Variants in ARHGAP15 observed in about 807,000 individuals in gnomAD.
ARHGAP15 encodes the protein rho GTPase-activating protein 15.
A neutral mutation model predicts 63.7 loss-of-function variants in ARHGAP15; 51 were observed. The observed-to-expected ratio is 0.80, with a 90% CI of 0.64 to 1.01. The LOEUF (loss-of-function observed/expected upper bound fraction) is 1.01. Among genes scored for constraint, ARHGAP15 ranks in the 50% least tolerant of loss-of-function variants. ARHGAP15 has a pLI of 0.00. For synonymous variants in ARHGAP15, 191 were observed against 193.8 expected (o/e 0.99, Z 0.12); for missense variants, 560 against 564.6 (o/e 0.99, Z 0.08).
chr2:143,279,060 T>C (rs921194601), intron 6 of ARHGAP15, among the ~76,000 whole-genome samples: 3 of 152,188 alleles, frequency 2.0e-5, no homozygotes, highest in Non-Finnish European at 4.4e-5. Context: ...ATTCAGCTAA[T>C]AATACCTGCC....
intron 13 of ARHGAP15, among the ~76,000 whole-genome samples, chr2:143,710,368 G>A (rs1042735110): frequency 1.3e-5 from 2 of 152,088 alleles, no homozygotes; most frequent in African/African-American, 4.8e-5. Context: ...CTCTGATCGC[G>A]AGGGTGAAGC....
intron 1 of ARHGAP15, among the ~76,000 whole-genome samples, chr2:143,147,455 C>T (rs1296200389): frequency 6.6e-6 from 1 of 152,008 alleles, no homozygotes; most frequent in Admixed American, 6.6e-5. Flanking sequence ...CCTTATGGCT[C>T]TCATCTGTAT....
chr2:143,511,636 G>A (rs1370478369), intron 9 of ARHGAP15, among the ~76,000 whole-genome samples: 1 of 152,036 alleles, frequency 6.6e-6, no homozygotes. Context: ...GTTGTTCCAG[G>A]ACAAGAGACA....
intron 6 of ARHGAP15, among the ~76,000 whole-genome samples, chr2:143,345,922 T>C (rs189650351): frequency 2.0e-5 from 3 of 152,192 alleles, no homozygotes; most frequent in East Asian, 1.9e-4. Flanking sequence ...CTGTTCATTA[T>C]ATGAGAAATC....
rs1455848132 is a variant in ARHGAP15, at chr2:143,228,608, T to C, written c.324T>C (p.Val108=). 15 of 1,610,256 alleles carry C rather than the reference T, an allele frequency of 9.3e-6. No homozygotes were observed. Among genetic ancestry groups the C allele is most frequent in the Non-Finnish European group, 1.3e-5 (15 of 1,178,302 alleles). The change falls in exon 5 of 14, where the codon GTT becomes GTC. Residue 108 remains valine, a synonymous_variant. Transcript: ENST00000295095. ...AAAACTGGTCTACTTCCTGGATTGTTCTTTCTAGTCGAAGAATTGAATTTT... is the reference window on the plus strand; with the variant it reads ...AAAACTGGTCTACTTCCTGGATTGTCCTTTCTAGTCGAAGAATTGAATTTT... ...LRKNWSTSWI[V]LSSRRIEFYK...
In ARHGAP15 at chr2:143,754,145, C is replaced by A. The variant is rs375617989; in HGVS notation, c.1245-13844C>A. Among the ~76,000 whole-genome samples, 27 of 152,226 alleles carry A rather than the reference C, an allele frequency of 1.8e-4. No homozygotes were observed. In the East Asian group the frequency reaches 4.4e-3, roughly 25 times the overall value. ...ATTTTTTCTGGTGATGTTGTTAGTT[C>A]TGGAGGGCTATGTAAAGCCGAAGCA... On this transcript the variant is annotated intron_variant, in intron 13 of 13. Coordinates refer to ENST00000295095, the MANE Select transcript of ARHGAP15 (RefSeq NM_018460.4).
At chr2:143,306,901 T>C (rs1240321203) in intron 6 of ARHGAP15, among the ~76,000 whole-genome samples, 2 of 152,140 alleles carry the variant, frequency 1.3e-5, no homozygotes, top group African/African-American at 2.4e-5. Flanking sequence ...TTTTACAGTG[T>C]CCATGGGTCA....
Position 143,314,493 on chromosome 2 carries a change from T to G in ARHGAP15, c.474+63893T>G, listed in dbSNP as rs559584707. ...GCAGAAGCACATTATCCCACAGGATTTGCTCAGGGCTCAAAGTTTGTAAGA... is the reference window on the plus strand; with the variant it reads ...GCAGAAGCACATTATCCCACAGGATGTGCTCAGGGCTCAAAGTTTGTAAGA... On this transcript the variant is annotated intron_variant, in intron 6 of 13. Coordinates refer to ENST00000295095, the MANE Select transcript of ARHGAP15 (RefSeq NM_018460.4). The G allele has an allele frequency of 2.0e-5, 3 of 152,314 alleles. No homozygotes were observed. The East Asian group carries it at 5.8e-4, about 29-fold the overall frequency. The allele number at this position is 152,314 out of a possible 1,614,324, so 9.4% of individuals were successfully genotyped here.
chr2:143,543,858 A>T (rs560029011), intron 10 of ARHGAP15, among the ~76,000 whole-genome samples: 2 of 152,260 alleles, frequency 1.3e-5, no homozygotes, highest in Admixed American at 6.5e-5. Context: ...CAGAGGGTGC[A>T]TACTTCTTTG....
chr2:143,581,619 G>T (rs541753502), intron 11 of ARHGAP15, among the ~76,000 whole-genome samples: 1 of 152,252 alleles, frequency 6.6e-6, no homozygotes, highest in Admixed American at 6.5e-5. Flanking sequence ...CAAGTAGGGA[G>T]GGCTTGTTAC....
At chr2:143,448,322 G>A (rs764621746) in intron 8 of ARHGAP15, among the ~76,000 whole-genome samples, 9 of 152,126 alleles carry the variant, frequency 5.9e-5, no homozygotes, top group Non-Finnish European at 1.3e-4. Flanking sequence ...GGAGCCTAGT[G>A]AAAGACTTCA....
intron 3 of ARHGAP15, among the ~76,000 whole-genome samples, chr2:143,210,036 A>C (rs1316433389): frequency 1.3e-5 from 2 of 152,176 alleles, no homozygotes; most frequent in Non-Finnish European, 2.9e-5. Flanking sequence ...GACTGAAATT[A>C]AGTTATAACG....
At chr2:143,433,766 GTTTA>G (rs200585192) in intron 6 of ARHGAP15, among the ~76,000 whole-genome samples, 3,793 of 151,984 alleles carry the variant, frequency 0.025, 168 homozygotes, top group African/African-American at 0.087. Flanking sequence ...TTTAATAATG[GTTTA>G]TTTATACTGG....
chr2:143,401,375 C>T (rs1344230579), intron 6 of ARHGAP15, among the ~76,000 whole-genome samples: 2 of 151,968 alleles, frequency 1.3e-5, no homozygotes, highest in Non-Finnish European at 2.9e-5. Context: ...AAGATGTCCC[C>T]ATAAAATCTT....
intron 11 of ARHGAP15, among the ~76,000 whole-genome samples, chr2:143,619,657 T>TG (rs1183021650): frequency 6.6e-6 from 1 of 152,148 alleles, no homozygotes; most frequent in Admixed American, 6.5e-5. Context: ...TCCCCAATGT[T>TG]GGGGGAGGGA....
At chr2:143,147,992 AT>A (rs1422767912) in intron 1 of ARHGAP15, among the ~76,000 whole-genome samples, 1 of 152,176 alleles carries the variant, frequency 6.6e-6, no homozygotes, top group East Asian at 1.9e-4. Context: ...CTTAAACAAA[AT>A]CATCAATTTC....
intron 6 of ARHGAP15, among the ~76,000 whole-genome samples, chr2:143,317,014 G>A (rs1683751490): frequency 6.6e-6 from 1 of 152,008 alleles, no homozygotes; most frequent in Non-Finnish European, 1.5e-5. Flanking sequence ...CCTGATTATT[G>A]CATTTAAACT....
intron 6 of ARHGAP15, among the ~76,000 whole-genome samples, chr2:143,330,940 T>G (rs906950075): frequency 6.6e-6 from 1 of 152,246 alleles, no homozygotes; most frequent in Non-Finnish European, 1.5e-5. Context: ...TGTCGCTTTC[T>G]CTCTAAAGAT....
Position 143,723,280 on chromosome 2 carries a change from C to T in ARHGAP15, c.1244+19756C>T, listed in dbSNP as rs564258130. The stretch of plus-strand genomic sequence containing the variant: ...ATCCCCCTCGTTAAGTGACACACTG[C>T]CATCTCAAACAACCTATCCATTGGT... On this transcript the variant is annotated intron_variant, in intron 13 of 13. Coordinates refer to ENST00000295095, the MANE Select transcript of ARHGAP15 (RefSeq NM_018460.4). Among the ~76,000 whole-genome samples the T allele has an allele frequency of 7.2e-5, 11 of 152,256 alleles. No individual in the cohort carries two copies. The South Asian group carries it at 2.3e-3, about 32-fold the overall frequency.
Sources: gnomAD v4.1 joint callset for allele counts (sites outside exome capture counted in the v4.1 genomes callset) on GRCh38, gnomAD v4.1.1 for gene constraint, MANE v1.5 for transcripts, NCBI Gene and HGNC (gene_info 2026-07-23, HGNC 2026-07-21) for gene names.